CPA6: variants seen among roughly 807,000 people sequenced by gnomAD.
CPA6 encodes the protein carboxypeptidase B.
CPA6 carries 58 observed loss-of-function variants against 63.3 expected under a neutral mutation model. The observed-to-expected ratio is 0.92, with a 90% CI of 0.74 to 1.14. CPA6 has a LOEUF of 1.14. Ranked by LOEUF, CPA6 falls within the 50% of genes most tolerant of loss-of-function variation. The pLI is 0.00. For missense variants in CPA6, 565 were observed against 526.6 expected (o/e 1.07, Z -0.71); for synonymous variants, 185 against 179.0 (o/e 1.03, Z -0.27).
chr8:67,654,814 C>G (rs960029764), intron 1 of CPA6, among the ~76,000 whole-genome samples: 1 of 152,130 alleles, frequency 6.6e-6, no homozygotes, highest in Non-Finnish European at 1.5e-5. Flanking sequence ...TTGGTCTCCT[C>G]TTTTTCTACA....
chr8:67,591,067 G>T (rs1256665171), intron 2 of CPA6, among the ~76,000 whole-genome samples: 2 of 150,466 alleles, frequency 1.3e-5, no homozygotes, highest in Non-Finnish European at 3.0e-5. Context: ...TTTGTATAAG[G>T]TGTAAGGAAG....
chr8:67,704,425 G>T (rs1277106592), intron 1 of CPA6, among the ~76,000 whole-genome samples: 1 of 152,226 alleles, frequency 6.6e-6, no homozygotes, highest in Non-Finnish European at 1.5e-5. Context: ...GAATCATTTT[G>T]TGCTAAAATG....
intron 10 of CPA6, among the ~76,000 whole-genome samples, chr8:67,424,735 C>T (rs911865822): frequency 2.6e-5 from 4 of 152,214 alleles, no homozygotes; most frequent in Admixed American, 6.5e-5. Flanking sequence ...TGGCTATTGC[C>T]TCTACCCGTG....
chr8:67,637,783 T>C (rs74435861), intron 1 of CPA6, among the ~76,000 whole-genome samples: 2,124 of 151,398 alleles, frequency 0.014, 36 homozygotes, highest in Non-Finnish European at 0.021. Flanking sequence ...GAAAAACACA[T>C]GAAAAGATTT....
chr8:67,733,065 G>C (rs1039218857), intron 1 of CPA6, among the ~76,000 whole-genome samples: 1 of 151,472 alleles, frequency 6.6e-6, no homozygotes, highest in South Asian at 2.1e-4. Flanking sequence ...GTGTGGTGGC[G>C]GGCACCTGTA....
At chr8:67,450,454 A>G (rs551559322) in intron 8 of CPA6, among the ~76,000 whole-genome samples, 1 of 152,340 alleles carries the variant, frequency 6.6e-6, no homozygotes, top group South Asian at 2.1e-4. Flanking sequence ...TAGATTTTTA[A>G]CTATTTCTAA....
chr8:67,570,758 A>T (rs1157276428), intron 2 of CPA6, among the ~76,000 whole-genome samples: 1 of 152,218 alleles, frequency 6.6e-6, no homozygotes, highest in Admixed American at 6.5e-5. Context: ...ATCACAAAGG[A>T]AGACATCAAG....
chr8:67,633,290 T>C (rs1815385306), intron 1 of CPA6, among the ~76,000 whole-genome samples: 1 of 152,246 alleles, frequency 6.6e-6, no homozygotes, highest in African/African-American at 2.4e-5. Flanking sequence ...TTATTCACAT[T>C]AATTGTAATA....
rs933099093 is a variant in CPA6 at position 67,422,670 on chromosome 8, A to G, written c.1148T>C (p.Met383Thr). 6 of 1,613,154 alleles carry G rather than the reference A, an allele frequency of 3.7e-6. 1 individual carries two copies. Among genetic ancestry groups the G allele is most frequent in the Non-Finnish European group, 5.1e-6 (6 of 1,179,606 alleles). ...TATTCCATTTTTGTAGGCCCAATCC[A>G]TTGAGCTACCAGAGCTCACATCTAA... The part of the protein sequence containing the change: ...TTLYVSSGSS[M>T]DWAYKNGIPY... The change falls in exon 11 of 11, where the codon ATG becomes ACG. Residue 383 changes from methionine (M) to threonine (T), a missense_variant. Coordinates refer to ENST00000297770, the MANE Select transcript of CPA6 (RefSeq NM_020361.5).
At chr8:67,582,647 C>A (rs545671114) in intron 2 of CPA6, among the ~76,000 whole-genome samples, 3 of 151,980 alleles carry the variant, frequency 2.0e-5, no homozygotes, top group African/African-American at 7.3e-5. Context: ...GTGGGAAGAT[C>A]GATGAATGAA....
At chr8:67,707,814 C>T (rs111482547) in intron 1 of CPA6, among the ~76,000 whole-genome samples, 18 of 151,318 alleles carry the variant, frequency 1.2e-4, no homozygotes, top group African/African-American at 3.2e-4. Flanking sequence ...TGGCTGAAGC[C>T]GGAGAATTGC....
Position 67,422,773 on chromosome 8 carries a change from C to T in CPA6, c.1127-82G>A, listed in dbSNP as rs1014896465. Reference sequence around the variant, plus strand: ...TCTAAATGTATATACTATAAAGTATCCGCTTATTAAGCTTTACTAAATCCT... The same window carrying T: ...TCTAAATGTATATACTATAAAGTATTCGCTTATTAAGCTTTACTAAATCCT... On this transcript the variant is annotated intron_variant, in intron 10 of 10. Transcript: ENST00000297770. 14 of 1,016,002 alleles carry T rather than the reference C, an allele frequency of 1.4e-5. No homozygotes were observed. The Admixed American group carries it at 3.0e-4, about 22-fold the overall frequency. The allele number at this position is 1,016,002 out of a possible 1,614,324, so 62.9% of individuals were successfully genotyped here. A position where few individuals can be genotyped will look rare whatever the true frequency, so the allele number is the denominator to read the frequency against.
At chr8:67,589,582 G>A (rs1337667079) in intron 2 of CPA6, among the ~76,000 whole-genome samples, 1 of 152,090 alleles carries the variant, frequency 6.6e-6, no homozygotes, top group Non-Finnish European at 1.5e-5. Context: ...AGTTATAGGG[G>A]TCTTATCATC....
chr8:67,637,415 A>G (rs993431559), intron 1 of CPA6, among the ~76,000 whole-genome samples: 1 of 151,674 alleles, frequency 6.6e-6, no homozygotes, highest in Non-Finnish European at 1.5e-5. Context: ...TTATAATAAG[A>G]TATCTTCACT....
intron 1 of CPA6, among the ~76,000 whole-genome samples, chr8:67,633,967 G>A (rs1815404376): frequency 6.6e-6 from 1 of 151,722 alleles, no homozygotes; most frequent in African/African-American, 2.4e-5. Context: ...GTCTAAGTGC[G>A]GATATGTGAA....
intron 1 of CPA6, among the ~76,000 whole-genome samples, chr8:67,718,503 A>C (rs1817426789): frequency 6.6e-6 from 1 of 152,142 alleles, no homozygotes; most frequent in South Asian, 2.1e-4. Flanking sequence ...TAATCCCCAC[A>C]CAGGCATTTT....
intron 8 of CPA6, among the ~76,000 whole-genome samples, chr8:67,443,345 C>T (rs1279165532): frequency 6.6e-6 from 1 of 152,190 alleles, no homozygotes; most frequent in East Asian, 1.9e-4. Flanking sequence ...CAGGCATGAG[C>T]CACTGCTCCC....
intron 2 of CPA6, among the ~76,000 whole-genome samples, chr8:67,565,128 A>C (rs1039793678): frequency 1.3e-5 from 2 of 151,998 alleles, no homozygotes; most frequent in Non-Finnish European, 2.9e-5. Flanking sequence ...GCAATGAGAG[A>C]GCAAGAATTG....
At chr8:67,715,413 C>A (rs766393355) in intron 1 of CPA6, among the ~76,000 whole-genome samples, 4 of 152,218 alleles carry the variant, frequency 2.6e-5, no homozygotes, top group Non-Finnish European at 5.9e-5. Context: ...CCCTTCTCTG[C>A]AATGTTTGAA....
Sources: allele counts gnomAD v4.1 joint callset (sites outside exome capture counted in the v4.1 genomes callset), GRCh38; gene constraint gnomAD v4.1.1; transcripts MANE v1.5; gene names NCBI Gene and HGNC (gene_info 2026-07-23, HGNC 2026-07-21).